PEX1: variants seen among roughly 807,000 people sequenced by gnomAD.
The protein encoded by PEX1 is peroxisomal ATPase PEX1.
In PEX1, 97 loss-of-function variants were observed where a neutral mutation model predicts 152.5. The ratio of observed to expected loss-of-function variants is 0.64; its 90% CI spans 0.54 to 0.75. The LOEUF (loss-of-function observed/expected upper bound fraction) is 0.75. Ranked by LOEUF, PEX1 falls within the 30% of genes least tolerant of loss-of-function variation. The pLI is 0.00. For missense variants in PEX1, 1,357 were observed against 1,516.3 expected (o/e 0.89, Z 1.74); for synonymous variants, 485 against 531.6 (o/e 0.91, Z 1.21).
At chr7:92,497,018 T>C (rs1791686592) in intron 16 of PEX1, among the ~76,000 whole-genome samples, 1 of 152,164 alleles carries the variant, frequency 6.6e-6, no homozygotes, top group African/African-American at 2.4e-5. Flanking sequence ...TTTATTTAGA[T>C]CTCTGCCCAA....
intron 23 of PEX1, 133 bp from the exon 24 acceptor site, chr7:92,487,674 G>T (rs1791006230): frequency 2.1e-6 from 1 of 466,072 alleles, no homozygotes; most frequent in African/African-American, 2.0e-5. Flanking sequence ...AAAAATTCCA[G>T]TCACAGAAAT....
chr7:92,519,024 G>T lies in PEX1; in HGVS notation c.328C>A (p.Pro110Thr). 6.2e-7 allele frequency: 1 copy of T among 1,611,800 alleles called. No homozygotes were observed. Among genetic ancestry groups the T allele is most frequent in the Middle Eastern group, 1.7e-4 (1 of 6,056 alleles). ...VVSCQQVEVE[P>T]LSADDWEILE... ...ATCTCCCAATCATCTGCTGAGAGGG[G>T]TTCCACCTCAACTTGTTGACAAGAT... The change falls in exon 3 of 24, where the codon CCC becomes ACC. Residue 110 changes from proline (P) to threonine (T), a missense_variant. Transcript: ENST00000248633.
chr7:92,519,592 T>A (rs942864934), intron 2 of PEX1, among the ~76,000 whole-genome samples: 1 of 152,208 alleles, frequency 6.6e-6, no homozygotes, highest in Non-Finnish European at 1.5e-5. Flanking sequence ...AATGACTATA[T>A]CATCAAGTTA....
At chr7:92,506,420 C>G (rs1792193356) in intron 10 of PEX1, 76 bp from the exon 11 acceptor site, 11 of 905,740 alleles carry the variant, frequency 1.2e-5, no homozygotes, top group Non-Finnish European at 1.8e-5. Flanking sequence ...TGGCAACCAC[C>G]AAGATTCAGC....
At position 92,517,651 on chromosome 7, in the gene PEX1, T is replaced by C. The variant is rs751271675; in HGVS notation, c.864A>G (p.Arg288=). The part of the protein sequence containing the change: ...SKVVPLDNIF[R]VCKSQPPSIY... Reference sequence around the variant, plus strand: ...TACTAGGAGGTTGAGATTTGCATACTCTGAAAATATTGTCTAGAGGAACAA... The same window carrying C: ...TACTAGGAGGTTGAGATTTGCATACCCTGAAAATATTGTCTAGAGGAACAA... Residue 288 remains arginine (R), a synonymous_variant, in exon 5 of 24, where the codon AGA becomes AGG. Coordinates refer to ENST00000248633, the MANE Select transcript of PEX1 (RefSeq NM_000466.3). 4.1e-5 allele frequency: 66 copies of C among 1,613,950 alleles called. No individual in the cohort carries two copies. The East Asian group carries it at 1.5e-3, about 36-fold the overall frequency.
At chr7:92,526,152 G>A (rs564201626) in intron 1 of PEX1, among the ~76,000 whole-genome samples, 12 of 152,290 alleles carry the variant, frequency 7.9e-5, no homozygotes, top group African/African-American at 2.4e-4. Context: ...GATGCTTAAG[G>A]TCTCTATCGT....
At chr7:92,508,770 T>G (rs1792317255) in intron 9 of PEX1, among the ~76,000 whole-genome samples, 2 of 152,042 alleles carry the variant, frequency 1.3e-5, no homozygotes, top group Admixed American at 6.6e-5. Context: ...TAAAAAATAT[T>G]TTTTATATTT....
rs1175992305 is a variant in PEX1, at chr7:92,507,456, G to A, written c.1671-330C>T. ...TGTAGAGACGGGGTTTTGCCATGTT[G>A]CCCAGGCTAGTCTCCAACTCCTGGG... On this transcript the variant is annotated intron_variant, in intron 9 of 23. Transcript: ENST00000248633. 4 of 270,396 alleles carry A rather than the reference G, an allele frequency of 1.5e-5. No individual in the cohort carries two copies. The East Asian group carries it at 3.9e-4, about 26-fold the overall frequency. 16.7% of individuals were successfully genotyped at this position (270,396 alleles called of 1,614,324 possible).
chr7:92,501,253 G>A (rs990937526), intron 15 of PEX1, among the ~76,000 whole-genome samples: 1 of 152,202 alleles, frequency 6.6e-6, no homozygotes, highest in African/African-American at 2.4e-5. Context: ...GAGCCCAGGA[G>A]TTTGAGGTTG....
At chr7:92,514,747 T>C (rs1309009532) in intron 5 of PEX1, among the ~76,000 whole-genome samples, 1 of 152,020 alleles carries the variant, frequency 6.6e-6, no homozygotes, top group Non-Finnish European at 1.5e-5. Flanking sequence ...AATGACTGAA[T>C]TGTACACTTT....
At chr7:92,521,868 G>A (rs1262235885) in intron 2 of PEX1, among the ~76,000 whole-genome samples, 2 of 152,182 alleles carry the variant, frequency 1.3e-5, no homozygotes, top group Non-Finnish European at 2.9e-5. Context: ...ATTAGGGGAT[G>A]TGGAAAATGA....
intron 1 of PEX1, among the ~76,000 whole-genome samples, chr7:92,527,428 G>C (rs148806132): frequency 6.6e-6 from 1 of 152,186 alleles, no homozygotes; most frequent in African/African-American, 2.4e-5. Flanking sequence ...TAACGACGAT[G>C]ATAGGAGGAT....
At chr7:92,526,143 A>T (rs1793258318) in intron 1 of PEX1, among the ~76,000 whole-genome samples, 1 of 152,236 alleles carries the variant, frequency 6.6e-6, no homozygotes, top group African/African-American at 2.4e-5. Context: ...AACGACCTAG[A>T]TGCTTAAGGT....
rs773127727 is a variant in PEX1, at chr7:92,487,416, A to G, written c.*41T>C. The G allele has an allele frequency of 9.6e-7, 1 of 1,044,016 alleles. No homozygotes were observed. Among genetic ancestry groups the G allele is most frequent in the Non-Finnish European group, 1.5e-6 (1 of 676,942 alleles). 64.7% of individuals were successfully genotyped at this position (1,044,016 alleles called of 1,614,324 possible). A position where few individuals can be genotyped will look rare whatever the true frequency, so the allele number is the denominator to read the frequency against. ...TCCTGTTACAACATATGGAAAAGCC[A>G]TCAAAAAACTTAACAGAACCAAATC... On this transcript the variant is annotated 3_prime_UTR_variant, in exon 24 of 24. Coordinates refer to ENST00000248633, the MANE Select transcript of PEX1 (RefSeq NM_000466.3).
intron 1 of PEX1, among the ~76,000 whole-genome samples, chr7:92,525,587 T>C (rs902731791): frequency 1.3e-5 from 2 of 152,146 alleles, no homozygotes; most frequent in African/African-American, 2.4e-5. Flanking sequence ...TTGTCACAGA[T>C]AGGGGGAGGC....
chr7:92,513,605 T>C (rs1305995672), intron 6 of PEX1, among the ~76,000 whole-genome samples: 1 of 152,160 alleles, frequency 6.6e-6, no homozygotes, highest in Non-Finnish European at 1.5e-5. Context: ...TTTGGGGTGA[T>C]GGAAAAGTTC....
chr7:92,526,538 T>C (rs1585265925), intron 1 of PEX1, among the ~76,000 whole-genome samples: 4 of 152,348 alleles, frequency 2.6e-5, no homozygotes, highest in Admixed American at 2.6e-4. Context: ...AGAAATAAAA[T>C]GATGTTTTCT....
chr7:92,521,116 T>C (rs765018507), intron 2 of PEX1, among the ~76,000 whole-genome samples: 2 of 152,134 alleles, frequency 1.3e-5, no homozygotes, highest in African/African-American at 2.4e-5. Context: ...TTTGCTACCA[T>C]GCCCAGCTAA....
rs1585231825 is a variant in PEX1, at chr7:92,502,008, A to G, written c.2298T>C (p.Asp766=). The change falls in exon 14 of 24, where the codon GAT becomes GAC. Residue 766 remains aspartate (D), a synonymous_variant. Transcript: ENST00000248633. ...KLDCDINKFT[D]LDLQHVAKET... is the part of the protein sequence containing the mutation. ...CTTTAGCTACATGCTGCAGGTCAAG[A>G]TCGGTGAACTTGTTTATATCACAGT... 2 of 1,612,888 alleles carry G rather than the reference A, an allele frequency of 1.2e-6. No homozygotes were observed. Among genetic ancestry groups the G allele is most frequent in the Non-Finnish European group, 1.7e-6 (2 of 1,178,854 alleles).
Sources: allele counts gnomAD v4.1 joint callset (sites outside exome capture counted in the v4.1 genomes callset), GRCh38; gene constraint gnomAD v4.1.1; transcripts MANE v1.5; gene names NCBI Gene and HGNC (gene_info 2026-07-23, HGNC 2026-07-21).